ARHGEF4: variants seen among roughly 807,000 people sequenced by gnomAD.
ARHGEF4 encodes the protein Rho guanine nucleotide exchange factor 4.
A neutral mutation model predicts 162.0 loss-of-function variants in ARHGEF4; 119 were observed. That is an observed-to-expected ratio of 0.73 (90% confidence interval 0.63 to 0.86). The LOEUF (loss-of-function observed/expected upper bound fraction) is 0.86, where lower values mean the gene tolerates loss of function less well. Among genes scored for constraint, ARHGEF4 ranks in the 40% least tolerant of loss-of-function variants. The pLI is 0.00. For missense variants in ARHGEF4, 2,488 were observed against 2,456.0 expected (o/e 1.01, Z -0.28); for synonymous variants, 1,014 against 979.9 (o/e 1.03, Z -0.65).
intron 1 of ARHGEF4, among the ~76,000 whole-genome samples, chr2:130,864,036 A>T (rs1273323173): frequency 6.7e-6 from 1 of 148,694 alleles, no homozygotes; most frequent in Non-Finnish European, 1.5e-5. Flanking sequence ...TACAAAAAAA[A>T]TTAGCTGGGC....
In ARHGEF4 at chr2:130,917,109, TC is replaced by T. The variant is rs1681548351; in HGVS notation, c.3168del (p.Gly1057AlafsTer39). On this transcript the variant is annotated frameshift_variant, in exon 2 of 14. Coordinates refer to ENST00000409359, the MANE Select transcript of ARHGEF4 (RefSeq NM_001367493.1). LOFTEE classifies it high-confidence loss of function. ...CTTTCCGGAAAAGTCCTGGCTGGCG[TC>T]CCCCGGCAGCCCTCGGGCCCAGCAG... ...GIFPEKSWLA[S>X]PGSPRAQQAG... 1 of 1,550,182 alleles carries T rather than the reference TC, an allele frequency of 6.5e-7. No homozygotes were observed. The highest frequency in any genetic ancestry group is 1.4e-5 in the African/African-American group (1 of 73,038).
At chr2:131,035,394 G>A in intron 5 of ARHGEF4, 1 of 877,786 alleles carries the variant, frequency 1.1e-6, no homozygotes, top group African/African-American at 1.8e-5. Context: ...ACCAGGGCCT[G>A]GTCCGGGGGT....
Position 130,915,112 on chromosome 2 carries a change from C to T in ARHGEF4, c.1166C>T (p.Pro389Leu), listed in dbSNP as rs569431343. The T allele has an allele frequency of 4.9e-5, 76 of 1,550,688 alleles. No homozygotes were observed. Among genetic ancestry groups the T allele is most frequent in the Non-Finnish European group, 6.5e-5 (75 of 1,147,020 alleles). Residue 389 changes from proline to leucine, a missense_variant, in exon 2 of 14, where the codon CCG becomes CTG. Coordinates refer to ENST00000409359, the MANE Select transcript of ARHGEF4 (RefSeq NM_001367493.1). Reference protein sequence around the residue: ...PSPAPTQLSGPIPAFQSGAPH... With the variant: ...PSPAPTQLSGLIPAFQSGAPH... ...CCTGCACCCACCCAGCTGTCTGGCCCGATTCCTGCTTTTCAGAGTGGGGCT... is the reference window on the plus strand; with the variant it reads ...CCTGCACCCACCCAGCTGTCTGGCCTGATTCCTGCTTTTCAGAGTGGGGCT...
intron 4 of ARHGEF4, among the ~76,000 whole-genome samples, chr2:130,983,852 T>TG (rs1291339996): frequency 6.6e-6 from 1 of 152,122 alleles, no homozygotes; most frequent in East Asian, 1.9e-4. Flanking sequence ...GGTTTCACCA[T>TG]GTTAGCCAGG....
chr2:130,870,214 A>G (rs952136961), intron 1 of ARHGEF4, among the ~76,000 whole-genome samples: 3 of 152,172 alleles, frequency 2.0e-5, no homozygotes, highest in Admixed American at 2.0e-4. Flanking sequence ...CCTCCTCCCC[A>G]GCCCAGGGTA....
At chr2:130,841,952 G>T (rs1680641668) in intron 1 of ARHGEF4, among the ~76,000 whole-genome samples, 2 of 152,334 alleles carry the variant, frequency 1.3e-5, no homozygotes, top group South Asian at 4.1e-4. Context: ...GGCCTGGGTT[G>T]ATGCTCTTCC....
chr2:130,873,147 T>G (rs1438588472), intron 1 of ARHGEF4, among the ~76,000 whole-genome samples: 2 of 152,204 alleles, frequency 1.3e-5, no homozygotes, highest in Non-Finnish European at 2.9e-5. Context: ...CTAGCTGGTG[T>G]GACTGGGAAA....
intron 4 of ARHGEF4, 69 bp from the exon 5 acceptor site, chr2:131,027,876 C>T: frequency 1.3e-6 from 2 of 1,584,428 alleles, no homozygotes; most frequent in Non-Finnish European, 1.7e-6. Flanking sequence ...TGGGCTCCTT[C>T]TCCACGTGTT....
rs192204832 is a variant in ARHGEF4, at chr2:130,953,212, T to C, written c.3985+6577T>C. On this transcript the variant is annotated intron_variant, in intron 4 of 13. Coordinates refer to ENST00000409359, the MANE Select transcript of ARHGEF4 (RefSeq NM_001367493.1). ...TGGTACTGGTACCAAAACAGAGATATAGACCAATGGAACAGAACAGAGGCC... is the reference window on the plus strand; with the variant it reads ...TGGTACTGGTACCAAAACAGAGATACAGACCAATGGAACAGAACAGAGGCC... Among the ~76,000 whole-genome samples, 322 of 152,164 alleles carry C rather than the reference T, an allele frequency of 2.1e-3. 1 individual carries two copies. The highest frequency in any genetic ancestry group is 6.4e-3 in the African/African-American group (264 of 41,502).
At chr2:131,040,676 C>G (rs914287703) in intron 8 of ARHGEF4, among the ~76,000 whole-genome samples, 2 of 152,192 alleles carry the variant, frequency 1.3e-5, no homozygotes, top group Non-Finnish European at 2.9e-5. Flanking sequence ...CTGGGGCGTC[C>G]CCCAGGAAGG....
At chr2:130,943,019 GTCTATT>G (rs1223406799) in intron 3 of ARHGEF4, among the ~76,000 whole-genome samples, 1 of 152,030 alleles carries the variant, frequency 6.6e-6, no homozygotes, top group East Asian at 1.9e-4. Flanking sequence ...CCTTGTTTTT[GTCTATT>G]TCTTCTATTG....
intron 1 of ARHGEF4, among the ~76,000 whole-genome samples, chr2:130,862,586 C>T (rs1385526228): frequency 8.5e-5 from 3 of 35,480 alleles, no homozygotes; most frequent in African/African-American, 8.7e-4. Flanking sequence ...TATGTAAATC[C>T]GGGCCAGGCA....
intron 4 of ARHGEF4, among the ~76,000 whole-genome samples, chr2:131,015,952 C>T (rs894817015): frequency 1.3e-5 from 2 of 152,252 alleles, no homozygotes; most frequent in Admixed American, 1.3e-4. Context: ...CAGCGCAGAG[C>T]CACTGGGGAG....
intron 4 of ARHGEF4, among the ~76,000 whole-genome samples, chr2:130,986,038 G>A (rs989589725): frequency 6.6e-6 from 1 of 151,364 alleles, no homozygotes; most frequent in East Asian, 1.9e-4. Flanking sequence ...TGTTTTGTGT[G>A]TTATGTATAG....
In ARHGEF4 at chr2:130,915,811, G is replaced by A. The variant is rs947294607; in HGVS notation, c.1865G>A (p.Gly622Asp). ...GGRQLEPKAGGEASRGRGALI... is the reference protein window; with the variant it reads ...GGRQLEPKAGDEASRGRGALI... ...CGGCAGCTGGAGCCCAAAGCAGGCG[G>A]CGAGGCCTCGAGGGGCAGGGGCGCC... Residue 622 changes from glycine to aspartate, a missense_variant, in exon 2 of 14, where the codon GGC (glycine) becomes GAC (aspartate). Physicochemically the swap from Gly to Asp is moderately conservative, Grantham distance 94 (BLOSUM62 -1). This residue lies in a region of ARHGEF4 where 1,642 missense variants were observed against 1,481.5 expected (regional missense o/e 1.11). Transcript: ENST00000409359. 62 of 1,524,036 alleles carry A rather than the reference G, an allele frequency of 4.1e-5. No homozygotes were observed. The African/African-American group carries it at 6.8e-4, about 17-fold the overall frequency. The allele number at this position is 1,524,036 out of a possible 1,614,324, so 94.4% of individuals were successfully genotyped here.
chr2:131,045,760 A>G, intron 13 of ARHGEF4: 1 of 1,426,700 alleles, frequency 7.0e-7, no homozygotes, highest in Non-Finnish European at 9.1e-7. Context: ...TGCTTTCCCC[A>G]TTTCTACAGA....
intron 2 of ARHGEF4, chr2:130,929,903 T>TC: frequency 6.6e-6 from 1 of 151,912 alleles, no homozygotes; most frequent in Non-Finnish European, 1.5e-5. Context: ...TTTTTCATTT[T>TC]TTTTTTTGAG....
intron 1 of ARHGEF4, among the ~76,000 whole-genome samples, chr2:130,877,408 G>A (rs1574143144): frequency 6.6e-6 from 1 of 152,138 alleles, no homozygotes; most frequent in African/African-American, 2.4e-5. Context: ...TAGTTATCAT[G>A]GGATGTGCTT....
At chr2:130,887,565 C>G (rs1327348582) in intron 1 of ARHGEF4, among the ~76,000 whole-genome samples, 3 of 151,748 alleles carry the variant, frequency 2.0e-5, no homozygotes, top group East Asian at 1.9e-4. Context: ...TTTTTTCATT[C>G]CTCTACTAGT....
Sources: allele counts gnomAD v4.1 joint callset (sites outside exome capture counted in the v4.1 genomes callset), GRCh38; gene constraint gnomAD v4.1.1; regional missense constraint gnomAD v4.1.1; transcripts MANE v1.5; gene names NCBI Gene and HGNC (gene_info 2026-07-23, HGNC 2026-07-21).